The following KLF12 variants were observed in gnomAD, a reference collection of about 807,000 sequenced individuals.
KLF12 encodes Krueppel-like factor 12.
A neutral mutation model predicts 37.8 loss-of-function variants in KLF12; 9 were observed. The observed-to-expected ratio is 0.24, with a 90% confidence interval of 0.14 to 0.42. The LOEUF (loss-of-function observed/expected upper bound fraction) is 0.42. Among genes scored for constraint, KLF12 ranks in the 10% least tolerant of loss-of-function variants. KLF12 has a pLI of 1.00. For missense variants in KLF12, 411 were observed against 516.0 expected (o/e 0.80, Z 1.97); for synonymous variants, 208 against 202.1 (o/e 1.03, Z -0.25).
intron 3 of KLF12, among the ~76,000 whole-genome samples, chr13:73,884,228 C>T (rs1157041490): frequency 2.6e-5 from 4 of 152,152 alleles, no homozygotes; most frequent in Non-Finnish European, 4.4e-5. Flanking sequence ...TAAAATGCAA[C>T]TGTACCTATA....
the KLF12 span, among the ~76,000 whole-genome samples, chr13:74,155,065 A>C: frequency 6.6e-6 from 1 of 152,144 alleles, no homozygotes; most frequent in Admixed American, 6.5e-5. Flanking sequence ...GCTGACTATC[A>C]ATATTTGCTC....
intron 5 of KLF12, among the ~76,000 whole-genome samples, chr13:73,794,586 C>G (rs1184735654): frequency 2.6e-5 from 4 of 152,160 alleles, no homozygotes; most frequent in African/African-American, 9.7e-5. Context: ...ACAGTTGAAA[C>G]ACAGTTCAAC....
the KLF12 span, among the ~76,000 whole-genome samples, chr13:74,181,918 G>A: frequency 0.1 from 15,852 of 152,096 alleles, 886 homozygotes; most frequent in South Asian, 0.15. Context: ...TTGTGGTATG[G>A]TATGTGTGTG....
chr13:74,119,428 G>A (rs1391142825), intron 1 of KLF12, among the ~76,000 whole-genome samples: 1 of 151,904 alleles, frequency 6.6e-6, no homozygotes, highest in Non-Finnish European at 1.5e-5. Flanking sequence ...AGATAGCAGA[G>A]ATACTGAAAC....
rs566912490 is a variant in KLF12 at position 73,856,796 on chromosome 13, CTCG to C, written c.124-10426_124-10424del. Among the ~76,000 whole-genome samples, 896 of 152,114 alleles carry C rather than the reference CTCG, an allele frequency of 5.9e-3. 3 individuals are homozygous for C. Among genetic ancestry groups the C allele is most frequent in the Non-Finnish European group, 0.01 (694 of 67,998 alleles). On this transcript the variant is annotated intron_variant, in intron 3 of 7. Transcript: ENST00000377669. ...TTGAGCTCAGGAGTTCGAGACCAGCCTCGTCAACATGGTGAAACCGTCTCTACT... is the reference window on the plus strand; with the variant it reads ...TTGAGCTCAGGAGTTCGAGACCAGCCTCAACATGGTGAAACCGTCTCTACT...
At chr13:74,260,574 T>TAAATAAAATAAAATAAAATA in the KLF12 span, among the ~76,000 whole-genome samples, 2 of 100,318 alleles carry the variant, frequency 2.0e-5, no homozygotes, top group Admixed American at 9.8e-5. Flanking sequence ...TAAAATAAAA[T>TAAATAAAATAAAATAAAATA]AAATAAAATA....
chr13:73,877,613 G>A (rs1297794023), intron 3 of KLF12, among the ~76,000 whole-genome samples: 5 of 152,172 alleles, frequency 3.3e-5, no homozygotes, highest in Non-Finnish European at 7.3e-5. Context: ...TTGGCTGTCA[G>A]TCTACTGGTG....
the KLF12 span, among the ~76,000 whole-genome samples, chr13:74,264,897 TC>T: frequency 6.6e-6 from 1 of 152,172 alleles, no homozygotes; most frequent in African/African-American, 2.4e-5. Flanking sequence ...TATTTTTTTT[TC>T]ATATAGTGCA....
the KLF12 span, among the ~76,000 whole-genome samples, chr13:74,179,773 T>C: frequency 1.3e-5 from 2 of 152,208 alleles, no homozygotes; most frequent in Non-Finnish European, 2.9e-5. Flanking sequence ...TATGAATGGA[T>C]GGAGATTTTA....
At chr13:74,260,574 TAAATAAAATA>T in the KLF12 span, among the ~76,000 whole-genome samples, 400 of 100,328 alleles carry the variant, frequency 4.0e-3, 4 homozygotes, top group East Asian at 0.021. Context: ...TAAAATAAAA[TAAATAAAATA>T]AAATAAAATA....
intron 1 of KLF12, among the ~76,000 whole-genome samples, chr13:74,100,738 T>C (rs1179416515): frequency 2.0e-5 from 3 of 152,146 alleles, no homozygotes; most frequent in Non-Finnish European, 4.4e-5. Flanking sequence ...AAAATGTATG[T>C]GTACATGCCA....
chr13:74,089,805 A>C (rs1241845310), intron 1 of KLF12, among the ~76,000 whole-genome samples: 3 of 22,732 alleles, frequency 1.3e-4, no homozygotes, highest in Non-Finnish European at 3.2e-4. Context: ...TGCAGGGGGA[A>C]AAAAAAAAAA....
chr13:73,952,383 G>A (rs1173868947), intron 2 of KLF12, among the ~76,000 whole-genome samples: 2 of 152,084 alleles, frequency 1.3e-5, no homozygotes, highest in Non-Finnish European at 2.9e-5. Flanking sequence ...GAGAGCGAAG[G>A]GGGAGTTGCT....
chr13:73,687,021 C>T lies in KLF12; in HGVS notation c.*8469G>A, dbSNP rs1243330957. The T allele has an allele frequency of 6.6e-6, 1 of 152,528 alleles. No homozygotes were observed. The highest frequency in any genetic ancestry group is 1.5e-5 in the Non-Finnish European group (1 of 68,010). 9.4% of individuals were successfully genotyped at this position (152,528 alleles called of 1,614,324 possible). A position where few individuals can be genotyped will look rare whatever the true frequency, so the allele number is the denominator to read the frequency against. ...GACCCCCACACACCAAGAACAACGT[C>T]TAGACTACTACTAATTATAACTAAG... On this transcript the variant is annotated 3_prime_UTR_variant, in exon 8 of 8. Transcript: ENST00000377669.
At chr13:73,977,094 A>G (rs1891548356) in intron 2 of KLF12, among the ~76,000 whole-genome samples, 1 of 150,334 alleles carries the variant, frequency 6.7e-6, no homozygotes, top group Admixed American at 6.6e-5. Flanking sequence ...TCTGTCACCC[A>G]GATTGGAGTC....
At chr13:73,746,809 C>CTTTT (rs1566338130) in intron 6 of KLF12, among the ~76,000 whole-genome samples, 74 of 119,178 alleles carry the variant, frequency 6.2e-4, no homozygotes, top group African/African-American at 2.6e-3. Flanking sequence ...CTCCCTCCCT[C>CTTTT]CTTTTTTTTT....
chr13:74,128,407 T>C (rs2139015354), intron 1 of KLF12, among the ~76,000 whole-genome samples: 1 of 151,372 alleles, frequency 6.6e-6, no homozygotes, highest in South Asian at 2.1e-4. Context: ...TCCTATCAAA[T>C]CAGTTGCCAC....
At chr13:73,787,673 T>C (rs1431025597) in intron 5 of KLF12, among the ~76,000 whole-genome samples, 3 of 152,204 alleles carry the variant, frequency 2.0e-5, no homozygotes, top group African/African-American at 7.2e-5. Context: ...GTTTGGGGAT[T>C]GGAACTCAAG....
intron 1 of KLF12, among the ~76,000 whole-genome samples, chr13:74,129,332 C>T (rs549417892): frequency 3.3e-5 from 5 of 152,010 alleles, no homozygotes; most frequent in Non-Finnish European, 4.4e-5. Context: ...GCAGAACCCA[C>T]GAATAAAGAG....
Sources: gnomAD v4.1 joint callset for allele counts (sites outside exome capture counted in the v4.1 genomes callset) on GRCh38, gnomAD v4.1.1 for gene constraint, MANE v1.5 for transcripts, NCBI Gene and HGNC (gene_info 2026-07-23, HGNC 2026-07-21) for gene names.